The following PCDH15 variants were observed in gnomAD, a reference collection of about 807,000 sequenced individuals.
The protein encoded by PCDH15 is protocadherin-15.
Under a neutral mutation model 178.5 loss-of-function variants are expected in PCDH15, and 129 were observed. The observed-to-expected ratio is 0.72, with a 90% CI of 0.63 to 0.84. The LOEUF (loss-of-function observed/expected upper bound fraction) is 0.84, where lower values mean the gene tolerates loss of function less well. Among genes scored for constraint, PCDH15 ranks in the 40% least tolerant of loss-of-function variants. The pLI is 0.00. For missense variants in PCDH15, 2,230 were observed against 2,099.9 expected, an observed-to-expected ratio of 1.06 and a Z score of -1.21; for synonymous variants, 800 against 732.0, an observed-to-expected ratio of 1.09 and a Z score of -1.50.
chr10:54,343,027 A>C (rs990516995), intron 6 of PCDH15, among the ~76,000 whole-genome samples: 3 of 152,222 alleles, frequency 2.0e-5, no homozygotes, highest in African/African-American at 7.2e-5. Flanking sequence ...GACTTGTCTC[A>C]GATGAAACTT....
chr10:55,460,948 C>T (rs1260031137), intron 2 of PCDH15, among the ~76,000 whole-genome samples: 4 of 152,014 alleles, frequency 2.6e-5, no homozygotes, highest in Non-Finnish European at 4.4e-5. Flanking sequence ...TCAATAAGTC[C>T]CCACTGCTGA....
At chr10:54,304,871 T>C (rs2060369844) in intron 8 of PCDH15, among the ~76,000 whole-genome samples, 1 of 151,904 alleles carries the variant, frequency 6.6e-6, no homozygotes, top group Non-Finnish European at 1.5e-5. Context: ...TTTCCCTTTT[T>C]TTTTGTATGT....
At chr10:55,239,424 G>T (rs1841483825) in intron 1 of PCDH15, among the ~76,000 whole-genome samples, 1 of 152,030 alleles carries the variant, frequency 6.6e-6, no homozygotes, top group South Asian at 2.1e-4. Flanking sequence ...TTTGACAAGG[G>T]TACCAAGAAC....
chr10:54,727,001 T>G (rs956205818), intron 1 of PCDH15, among the ~76,000 whole-genome samples: 1 of 144,576 alleles, frequency 6.9e-6, no homozygotes, highest in Non-Finnish European at 1.5e-5. Context: ...GGTATTAACA[T>G]TAACCATGGA....
At chr10:55,500,286 A>G (rs1385189140) in intron 2 of PCDH15, among the ~76,000 whole-genome samples, 1 of 151,834 alleles carries the variant, frequency 6.6e-6, no homozygotes, top group Admixed American at 6.6e-5. Flanking sequence ...TGAAATTCAA[A>G]AGAAGATTTA....
chr10:53,994,283 C>T (rs2091708847), intron 21 of PCDH15, among the ~76,000 whole-genome samples: 1 of 152,120 alleles, frequency 6.6e-6, no homozygotes, highest in South Asian at 2.1e-4. Flanking sequence ...TTTAATCTCT[C>T]ATCATTAACG....
At position 53,892,438 on chromosome 10, in the gene PCDH15, T is replaced by C. The variant is rs117738315; in HGVS notation, c.3501+10805A>G. 2.6e-3 allele frequency among the ~76,000 whole-genome samples: 397 copies of C among 152,270 alleles called. 2 individuals carry two copies. Among genetic ancestry groups the C allele is most frequent in the Non-Finnish European group, 4.5e-3 (309 of 68,008 alleles). The stretch of plus-strand genomic sequence containing the variant: ...GAATTAAAGCAATTTTTAATTAAAT[T>C]ACATTCAAATTAATAGGCATAAATT... On this transcript the variant is annotated intron_variant, in intron 26 of 37. Transcript: ENST00000644397.
At chr10:55,493,338 T>C (rs1334455405) in intron 2 of PCDH15, among the ~76,000 whole-genome samples, 2 of 151,380 alleles carry the variant, frequency 1.3e-5, no homozygotes, top group Admixed American at 1.3e-4. Context: ...GGTGGATTGC[T>C]TGAGCTCAAG....
intron 37 of PCDH15, chr10:53,809,269 C>T (rs774700351): frequency 6.2e-7 from 1 of 1,613,814 alleles, no homozygotes; most frequent in Non-Finnish European, 8.5e-7. Context: ...TTCTACAGTG[C>T]TTTCTGTTGC....
At chr10:54,130,221 T>C (rs932694357) in intron 15 of PCDH15, among the ~76,000 whole-genome samples, 2 of 152,124 alleles carry the variant, frequency 1.3e-5, no homozygotes, top group Non-Finnish European at 2.9e-5. Flanking sequence ...TGCTGATGAA[T>C]GCTTAACAAA....
At chr10:53,837,494 A>G (rs968140176) in intron 29 of PCDH15, among the ~76,000 whole-genome samples, 1 of 152,078 alleles carries the variant, frequency 6.6e-6, no homozygotes, top group African/African-American at 2.4e-5. Flanking sequence ...GCCAAAATAT[A>G]TTTTTTCAAA....
intron 10 of PCDH15, among the ~76,000 whole-genome samples, chr10:54,212,535 A>G (rs965734533): frequency 6.6e-6 from 1 of 152,136 alleles, no homozygotes; most frequent in South Asian, 2.1e-4. Context: ...CAATCCAGCA[A>G]CATTTAGCTT....
intron 2 of PCDH15, among the ~76,000 whole-genome samples, chr10:55,113,431 G>A (rs1837557527): frequency 6.6e-6 from 1 of 151,354 alleles, no homozygotes; most frequent in Non-Finnish European, 1.5e-5. Context: ...AAAAAAGGAA[G>A]AATTATATTC....
chr10:53,946,373 GT>G (rs1398523987), intron 23 of PCDH15, among the ~76,000 whole-genome samples: 1 of 152,084 alleles, frequency 6.6e-6, no homozygotes, highest in African/African-American at 2.4e-5. Context: ...AAATGTTTCT[GT>G]TTTTCGTCTA....
chr10:55,368,564 G>C (rs1239971530), intron 2 of PCDH15, among the ~76,000 whole-genome samples: 5 of 152,048 alleles, frequency 3.3e-5, no homozygotes, highest in Admixed American at 3.3e-4. Context: ...GTCTATGTCT[G>C]TTAAAGTACA....
chr10:54,408,543 A>G (rs940988187), intron 3 of PCDH15, among the ~76,000 whole-genome samples: 1 of 152,192 alleles, frequency 6.6e-6, no homozygotes, highest in Non-Finnish European at 1.5e-5. Context: ...GAGACAAATC[A>G]TGATGTGACA....
intron 9 of PCDH15, among the ~76,000 whole-genome samples, chr10:54,231,034 T>G (rs540122126): frequency 6.6e-6 from 1 of 152,306 alleles, no homozygotes; most frequent in South Asian, 2.1e-4. Context: ...TGGTCAGACT[T>G]GATAACACAA....
intron 2 of PCDH15, chr10:55,575,770 C>A (rs765438112): frequency 3.3e-5 from 5 of 152,156 alleles, no homozygotes; most frequent in Admixed American, 1.3e-4. Context: ...AGGAAATTCA[C>A]GAACAATTCC....
At chr10:55,006,505 T>C (rs756311342) in intron 2 of PCDH15, among the ~76,000 whole-genome samples, 3 of 152,184 alleles carry the variant, frequency 2.0e-5, no homozygotes, top group Non-Finnish European at 4.4e-5. Context: ...AGAAGGAACA[T>C]TGCATTAAGA....
Sources: allele counts gnomAD v4.1 joint callset (sites outside exome capture counted in the v4.1 genomes callset), GRCh38; gene constraint gnomAD v4.1.1; transcripts MANE v1.5; gene names NCBI Gene and HGNC (gene_info 2026-07-23, HGNC 2026-07-21).